Variants in PHACTR1 observed in about 807,000 individuals in gnomAD.
PHACTR1 encodes RPEL repeat containing 1.
PHACTR1 carries 16 observed loss-of-function variants against 69.2 expected under a neutral mutation model. The ratio of observed to expected loss-of-function variants is 0.23; its 90% confidence interval spans 0.16 to 0.35. PHACTR1 has a LOEUF of 0.35. PHACTR1 is among the 10% of genes least tolerant of loss of function. The probability of loss-of-function intolerance (pLI) is 1.00; values close to 1 mark genes in which losing one functional copy is unlikely to be tolerated. For synonymous variants in PHACTR1, 312 were observed against 284.5 expected, an observed-to-expected ratio of 1.10 and a Z score of -0.97; for missense variants, 510 against 734.7, an observed-to-expected ratio of 0.69 and a Z score of 3.54.
chr6:12,859,987 T>TTCATCA (rs71552721), intron 4 of PHACTR1, among the ~76,000 whole-genome samples: 73,083 of 150,412 alleles, frequency 0.49, 19,585 homozygotes, highest in East Asian at 0.8. Context: ...GAAGGACATC[T>TTCATCA]TCATCATCAT....
chr6:13,079,903 C>T (rs1811106773), intron 5 of PHACTR1, among the ~76,000 whole-genome samples: 1 of 152,128 alleles, frequency 6.6e-6, no homozygotes, highest in Non-Finnish European at 1.5e-5. Context: ...GGCTAGACCA[C>T]CTCCCAAGAT....
chr6:13,166,787 A>G (rs1759872773), intron 6 of PHACTR1, among the ~76,000 whole-genome samples: 2 of 152,164 alleles, frequency 1.3e-5, no homozygotes, highest in Admixed American at 1.3e-4. Context: ...ACCACCTCCC[A>G]TACCAAATTT....
chr6:12,997,291 G>A (rs2127616459), intron 4 of PHACTR1, among the ~76,000 whole-genome samples: 1 of 147,168 alleles, frequency 6.8e-6, no homozygotes, highest in South Asian at 2.1e-4. Flanking sequence ...CTCTATATAA[G>A]TGAATGTATA....
intron 4 of PHACTR1, among the ~76,000 whole-genome samples, chr6:12,813,279 C>A (rs889342556): frequency 6.6e-6 from 1 of 152,160 alleles, no homozygotes; most frequent in Non-Finnish European, 1.5e-5. Context: ...CACACAAGTT[C>A]TGAGAGCCCT....
At chr6:13,277,201 A>G (rs888716922) in intron 11 of PHACTR1, among the ~76,000 whole-genome samples, 1 of 152,302 alleles carries the variant, frequency 6.6e-6, no homozygotes, top group African/African-American at 2.4e-5. Flanking sequence ...TCTGCCCTTC[A>G]AGTATCTGCC....
At chr6:13,053,191 T>C (rs1806220751) in intron 4 of PHACTR1, among the ~76,000 whole-genome samples, 174 bp from the exon 5 acceptor site, 1 of 152,224 alleles carries the variant, frequency 6.6e-6, no homozygotes, top group South Asian at 2.1e-4. Context: ...GTTGGCCAAC[T>C]GTCCTCAGCC....
At chr6:12,814,958 C>A (rs1256542899) in intron 4 of PHACTR1, among the ~76,000 whole-genome samples, 1 of 152,182 alleles carries the variant, frequency 6.6e-6, no homozygotes, top group Non-Finnish European at 1.5e-5. Context: ...TCCTCTGTGA[C>A]AAAATGAAGA....
chr6:13,092,524 G>C (rs554068217), intron 5 of PHACTR1, among the ~76,000 whole-genome samples: 6 of 152,134 alleles, frequency 3.9e-5, no homozygotes, highest in Non-Finnish European at 8.8e-5. Flanking sequence ...GGGGACAGCA[G>C]GTGGCTTTAG....
At chr6:12,862,591 C>T (rs892579635) in intron 4 of PHACTR1, among the ~76,000 whole-genome samples, 7 of 152,046 alleles carry the variant, frequency 4.6e-5, no homozygotes, top group African/African-American at 1.7e-4. Context: ...ACTCATACAG[C>T]CATTAAAAAG....
At chr6:12,915,296 C>T (rs1786847276) in intron 4 of PHACTR1, among the ~76,000 whole-genome samples, 3 of 152,046 alleles carry the variant, frequency 2.0e-5, no homozygotes, top group Non-Finnish European at 4.4e-5. Context: ...ACTTTGAGCT[C>T]AGGAGTTCGA....
intron 4 of PHACTR1, among the ~76,000 whole-genome samples, chr6:12,948,656 G>C (rs377695237): frequency 1.3e-5 from 2 of 152,144 alleles, no homozygotes; most frequent in African/African-American, 4.8e-5. Flanking sequence ...GACCCTGCCC[G>C]ATTCCGGTAC....
At position 13,053,522 on chromosome 6, in the gene PHACTR1, G is replaced by T; in HGVS notation, c.408G>T (p.Thr136=). Residue 136 remains threonine, a synonymous_variant, in exon 5 of 15, where the codon ACG becomes ACT. Transcript: ENST00000332995. ...AGAAAAGCGAAAAGTTCAAACACAC[G>T]TCAGCAGGTAAGATGATTTGTTCTT... The part of the protein sequence containing the change: ...RKKKSEKFKH[T]SAALERKISM... 6.2e-7 allele frequency: 1 copy of T among 1,613,312 alleles called. No homozygotes were observed. The highest frequency in any genetic ancestry group is 8.5e-7 in the Non-Finnish European group (1 of 1,179,634).
chr6:13,256,435 C>T (rs1046290221), intron 10 of PHACTR1, among the ~76,000 whole-genome samples: 30 of 152,212 alleles, frequency 2.0e-4, no homozygotes, highest in African/African-American at 6.8e-4. Flanking sequence ...TACTTGAATT[C>T]CTCCCCTGAA....
intron 4 of PHACTR1, among the ~76,000 whole-genome samples, chr6:12,754,707 T>G (rs901205087): frequency 6.6e-6 from 1 of 152,238 alleles, no homozygotes; most frequent in Non-Finnish European, 1.5e-5. Context: ...GGGTTCCACA[T>G]CTGTGGATTC....
At chr6:13,222,867 T>C (rs899934953) in intron 8 of PHACTR1, among the ~76,000 whole-genome samples, 1 of 152,234 alleles carries the variant, frequency 6.6e-6, no homozygotes, top group African/African-American at 2.4e-5. Flanking sequence ...CAGTCATGCC[T>C]GTGTCGAAAA....
intron 4 of PHACTR1, among the ~76,000 whole-genome samples, chr6:12,877,908 T>C (rs1782700776): frequency 6.6e-6 from 1 of 152,236 alleles, no homozygotes; most frequent in Admixed American, 6.5e-5. Context: ...CTCTCTGGCA[T>C]CTGCTGACTC....
intron 4 of PHACTR1, among the ~76,000 whole-genome samples, chr6:12,900,745 C>T (rs7751826): frequency 0.57 from 86,169 of 152,010 alleles, 26,189 homozygotes; most frequent in East Asian, 0.96. Context: ...ATGTTCAGTG[C>T]CTGACTTGTA....
intron 4 of PHACTR1, among the ~76,000 whole-genome samples, chr6:12,793,562 G>A (rs1016902859): frequency 9.9e-5 from 15 of 152,212 alleles, no homozygotes; most frequent in Admixed American, 9.2e-4. Flanking sequence ...TGAATTGGAA[G>A]ATACCTAGTG....
chr6:12,946,852 G>A (rs1183311252), intron 4 of PHACTR1, among the ~76,000 whole-genome samples: 5 of 120,972 alleles, frequency 4.1e-5, no homozygotes, highest in Admixed American at 1.1e-4. Context: ...TTGCTCTGTC[G>A]CTCAGGCTGG....
Sources: gnomAD v4.1 joint callset for allele counts (sites outside exome capture counted in the v4.1 genomes callset) on GRCh38, gnomAD v4.1.1 for gene constraint, MANE v1.5 for transcripts, NCBI Gene and HGNC (gene_info 2026-07-23, HGNC 2026-07-21) for gene names.